The following PMFBP1 variants were observed in gnomAD, a reference collection of about 807,000 sequenced individuals.
PMFBP1 encodes the protein polyamine modulated factor 1 binding protein 1, also known as polyamine-modulated factor 1-binding protein 1.
Under a neutral mutation model 137.8 loss-of-function variants are expected in PMFBP1, and 131 were observed. The ratio of observed to expected loss-of-function variants is 0.95; its 90% CI spans 0.82 to 1.10. PMFBP1 has a LOEUF of 1.10. Ranked by LOEUF, PMFBP1 falls within the 50% of genes least tolerant of loss-of-function variation. PMFBP1 has a pLI of 0.00. For synonymous variants in PMFBP1, 490 were observed against 450.4 expected (o/e 1.09, Z -1.11); for missense variants, 1,199 against 1,175.4 (o/e 1.02, Z -0.29).
intron 5 of PMFBP1, among the ~76,000 whole-genome samples, chr16:72,148,002 C>T (rs1389189877): frequency 1.3e-5 from 2 of 152,032 alleles, no homozygotes; most frequent in African/African-American, 2.4e-5. Flanking sequence ...GCCATTTGAC[C>T]CAGCAATTCC....
At chr16:72,195,291 G>A in the PMFBP1 span, among the ~76,000 whole-genome samples, 1 of 152,142 alleles carries the variant, frequency 6.6e-6, no homozygotes, top group Non-Finnish European at 1.5e-5. Context: ...TGCAGTCTGA[G>A]GCTCCTCCTA....
chr16:72,235,985 T>C, the PMFBP1 span, among the ~76,000 whole-genome samples: 1 of 152,122 alleles, frequency 6.6e-6, no homozygotes, highest in Non-Finnish European at 1.5e-5. Context: ...CTTTTAATTG[T>C]TTTTCTTGCC....
chr16:72,227,618 C>T, the PMFBP1 span, among the ~76,000 whole-genome samples: 156 of 152,256 alleles, frequency 1.0e-3, no homozygotes, highest in Non-Finnish European at 1.7e-3. Context: ...GGCCGTATAA[C>T]ATTCTTCCAT....
At chr16:72,157,448 T>C (rs2042999774) in intron 3 of PMFBP1, among the ~76,000 whole-genome samples, 1 of 152,122 alleles carries the variant, frequency 6.6e-6, no homozygotes, top group Admixed American at 6.6e-5. Context: ...AGAAGGTATC[T>C]GGAATGCTCC....
chr16:72,122,399 A>T (rs1006947545), intron 19 of PMFBP1, among the ~76,000 whole-genome samples: 1 of 152,120 alleles, frequency 6.6e-6, no homozygotes, highest in Non-Finnish European at 1.5e-5. Context: ...CTCCATTCTC[A>T]AACTGGTAAC....
chr16:72,141,534 C>A (rs1302917249), intron 5 of PMFBP1, among the ~76,000 whole-genome samples: 2 of 152,058 alleles, frequency 1.3e-5, no homozygotes, highest in Non-Finnish European at 2.9e-5. Flanking sequence ...TGAATCTGTA[C>A]AATATAAATT....
the PMFBP1 span, among the ~76,000 whole-genome samples, chr16:72,194,607 A>C: frequency 0.2 from 30,887 of 152,152 alleles, 3,319 homozygotes; most frequent in Admixed American, 0.32. Flanking sequence ...AGATCAGGTC[A>C]TATCATCTGG....
chr16:72,240,689 T>G, the PMFBP1 span, among the ~76,000 whole-genome samples: 1 of 152,238 alleles, frequency 6.6e-6, no homozygotes, highest in Non-Finnish European at 1.5e-5. Context: ...GCAGAAAGCA[T>G]GCCAGCCTGG....
intron 3 of PMFBP1, among the ~76,000 whole-genome samples, chr16:72,164,020 G>T (rs1262154847): frequency 1.4e-5 from 2 of 144,826 alleles, no homozygotes; most frequent in African/African-American, 2.7e-5. Flanking sequence ...CACCACTAAA[G>T]AACTTACTCA....
chr16:72,157,281 T>A (rs1359036872), intron 3 of PMFBP1, among the ~76,000 whole-genome samples: 2 of 149,988 alleles, frequency 1.3e-5, no homozygotes, highest in Non-Finnish European at 2.9e-5. Flanking sequence ...CAAGTATATA[T>A]GTAGTGTATT....
chr16:72,172,235 A>C (rs2043229183), upstream of PMFBP1: 1 of 152,070 alleles, frequency 6.6e-6, no homozygotes, highest in South Asian at 2.1e-4. Context: ...GTCTTCATGC[A>C]CAGAGGTGCA....
chr16:72,245,265 G>A, the PMFBP1 span, among the ~76,000 whole-genome samples: 1 of 152,114 alleles, frequency 6.6e-6, no homozygotes, highest in African/African-American at 2.4e-5. Flanking sequence ...CATGTGCTAG[G>A]CACTATTCTA....
chr16:72,120,182 G>C, intron 19 of PMFBP1, 93 bp from the exon 20 acceptor site: 1 of 1,583,414 alleles, frequency 6.3e-7, no homozygotes, highest in Non-Finnish European at 8.6e-7. Flanking sequence ...TCACAGGGAA[G>C]ACAGCACAGA....
chr16:72,157,434 C>T (rs1241909185), intron 3 of PMFBP1, among the ~76,000 whole-genome samples: 1 of 152,004 alleles, frequency 6.6e-6, no homozygotes, highest in Admixed American at 6.6e-5. Flanking sequence ...TTGAAGGAGG[C>T]AAAAGAAGGT....
the PMFBP1 span, among the ~76,000 whole-genome samples, chr16:72,242,176 T>C: frequency 6.6e-6 from 1 of 152,196 alleles, no homozygotes; most frequent in Non-Finnish European, 1.5e-5. Flanking sequence ...AAGTGACTCA[T>C]CCCGCAGTGA....
Position 72,132,765 on chromosome 16 carries a change from T to C in PMFBP1, c.1430A>G (p.Gln477Arg). Residue 477 changes from glutamine (Q) to arginine (R), a missense_variant, in exon 10 of 21, where the codon CAG becomes CGG. By Grantham distance (43) the Gln-to-Arg change is conservative (BLOSUM62 1). Transcript: ENST00000237353. Reference protein sequence around the residue: ...KLKNSLEEAKQQERLAAQQAA... With the variant: ...KLKNSLEEAKRQERLAAQQAA... The stretch of plus-strand genomic sequence containing the variant: ...GGCCTCACCAGCCAGCCTCTCCTGC[T>C]GCTTGGCCTCTTCGAGACTGTTCTT... The C allele has an allele frequency of 6.2e-7, 1 of 1,614,226 alleles. No individual in the cohort carries two copies. Among genetic ancestry groups the C allele is most frequent in the Non-Finnish European group, 8.5e-7 (1 of 1,180,040 alleles).
At position 72,164,853 on chromosome 16, in the gene PMFBP1, T is replaced by C. The variant is rs1212554373; in HGVS notation, c.76A>G (p.Ile26Val). Residue 26 changes from isoleucine to valine, a missense_variant, in exon 3 of 21, where the codon ATC (isoleucine) becomes GTC (valine). Physicochemically the swap from Ile to Val is conservative, Grantham distance 29. Transcript: ENST00000237353. ...TTGCAGACATCGTGCAGATTCTTGATGTCAAGTTGCAGGCTTAACAGCTTG... is the reference window on the plus strand; with the variant it reads ...TTGCAGACATCGTGCAGATTCTTGACGTCAAGTTGCAGGCTTAACAGCTTG... Reference protein sequence around the residue: ...NSKLLSLQLDIKNLHDVCKRQ... With the variant: ...NSKLLSLQLDVKNLHDVCKRQ... The C allele has an allele frequency of 1.9e-6, 3 of 1,610,624 alleles. No individual in the cohort carries two copies. The highest frequency in any genetic ancestry group is 1.3e-5 in the African/African-American group (1 of 75,012).
At chr16:72,130,817 G>T in intron 10 of PMFBP1, 95 bp from the exon 11 acceptor site, 1 of 1,200,300 alleles carries the variant, frequency 8.3e-7, no homozygotes, top group Non-Finnish European at 1.1e-6. Context: ...TTCATTTTGT[G>T]CCCTACTTCA....
At chr16:72,136,956 G>T in intron 7 of PMFBP1, 137 bp from the exon 8 acceptor site, 1 of 1,163,134 alleles carries the variant, frequency 8.6e-7, no homozygotes, top group Non-Finnish European at 1.2e-6. Context: ...CAGGGGATGG[G>T]TGTGCGGAGT....
Sources: allele counts gnomAD v4.1 joint callset (sites outside exome capture counted in the v4.1 genomes callset), GRCh38; gene constraint gnomAD v4.1.1; transcripts MANE v1.5; gene names NCBI Gene and HGNC (gene_info 2026-07-23, HGNC 2026-07-21).